Variants in AGAP1 observed in about 807,000 individuals in gnomAD.
AGAP1 encodes ArfGAP with GTPase domain, ankyrin repeat and PH domain 1.
In AGAP1, 29 loss-of-function variants were observed where a neutral mutation model predicts 105.3. The ratio of observed to expected loss-of-function variants is 0.28; its 90% CI spans 0.21 to 0.38. AGAP1 has a LOEUF of 0.38. Among genes scored for constraint, AGAP1 ranks in the 10% least tolerant of loss-of-function variants. AGAP1 has a pLI of 1.00. For missense variants in AGAP1, 998 were observed against 1,165.1 expected, an observed-to-expected ratio of 0.86 and a Z score of 2.09; for synonymous variants, 509 against 485.9, an observed-to-expected ratio of 1.05 and a Z score of -0.63.
chr2:236,089,469 A>ATC lies in AGAP1; in HGVS notation c.2115-30723_2115-30722insTC, dbSNP rs2059007449. Among the ~76,000 whole-genome samples, 2 of 152,234 alleles carry ATC rather than the reference A, an allele frequency of 1.3e-5. No homozygotes were observed. The highest frequency in any genetic ancestry group is 4.8e-5 in the African/African-American group (2 of 41,456). On this transcript the variant is annotated intron_variant, in intron 16 of 17. Coordinates refer to ENST00000304032, the MANE Select transcript of AGAP1 (RefSeq NM_001037131.3). This position sits in a 1 kb window ranked among gnomAD's most constrained non-coding sequence, Gnocchi z 5.6. ...CTAGGCTGCCGGGTACTGGCAGAAG[A>ATC]GAGTGAGCGTAGCAACTGGGAGGTG...
At chr2:236,028,669 A>G (rs145405413) in intron 13 of AGAP1, among the ~76,000 whole-genome samples, 1 of 152,296 alleles carries the variant, frequency 6.6e-6, no homozygotes, top group East Asian at 1.9e-4. Flanking sequence ...GAATGTCTTT[A>G]TCTTCCTTTC....
At chr2:235,773,258 A>G (rs1955597971) in intron 6 of AGAP1, among the ~76,000 whole-genome samples, 1 of 152,124 alleles carries the variant, frequency 6.6e-6, no homozygotes. Flanking sequence ...CATGGCCCCC[A>G]GTCAGTCTGA....
rs1043091238 is a variant in AGAP1, at chr2:235,689,609, A to T, written c.164-19570A>T. Among the ~76,000 whole-genome samples, 1 of 152,130 alleles carries T rather than the reference A, an allele frequency of 6.6e-6. No homozygotes were observed. Among genetic ancestry groups the T allele is most frequent in the African/African-American group, 2.4e-5 (1 of 41,388 alleles). ...CATTGTTTCAGGCAAATAATTTCTG[A>T]TGGACACCAAATTGGCAGGTCACCA... On this transcript the variant is annotated intron_variant, in intron 1 of 17. Coordinates refer to ENST00000304032, the MANE Select transcript of AGAP1 (RefSeq NM_001037131.3). This position sits in a 1 kb window ranked among gnomAD's most constrained non-coding sequence, Gnocchi z 4.2.
At position 235,959,471 on chromosome 2, in the gene AGAP1, TC is replaced by T. The variant is rs1484340057; in HGVS notation, c.1484-8988del. 6.6e-6 allele frequency among the ~76,000 whole-genome samples: 1 copy of T among 152,088 alleles called. No individual in the cohort carries two copies. Among genetic ancestry groups the T allele is most frequent in the Non-Finnish European group, 1.5e-5 (1 of 68,024 alleles). On this transcript the variant is annotated intron_variant, in intron 12 of 17. Coordinates refer to ENST00000304032, the MANE Select transcript of AGAP1 (RefSeq NM_001037131.3). This position sits in a 1 kb window ranked among gnomAD's most constrained non-coding sequence, Gnocchi z 7.3. Reference sequence around the variant, plus strand: ...ACCTAGAAGCCAGGGGCATTCATATTCCCGTGGCCGAGCTCAGCGCCCAGTG... The same window carrying T: ...ACCTAGAAGCCAGGGGCATTCATATTCCGTGGCCGAGCTCAGCGCCCAGTG...
At position 235,559,315 on chromosome 2, in the gene AGAP1, G is replaced by T. The variant is rs1374722161; in HGVS notation, c.163+64466G>T. Among the ~76,000 whole-genome samples, 1 of 152,130 alleles carries T rather than the reference G, an allele frequency of 6.6e-6. No homozygotes were observed. Among genetic ancestry groups the T allele is most frequent in the Non-Finnish European group, 1.5e-5 (1 of 68,030 alleles). ...TGGGTGTCCCAAGACTGTTTGGAAG[G>T]TTGTTCTGACAAGCAAGTGCTGATG... On this transcript the variant is annotated intron_variant, in intron 1 of 17. Transcript: ENST00000304032. The surrounding 1 kb of genome is among the most constrained non-coding windows in gnomAD (Gnocchi z 5.7).
At chr2:235,563,194 C>T (rs978244741) in intron 1 of AGAP1, among the ~76,000 whole-genome samples, 5 of 152,226 alleles carry the variant, frequency 3.3e-5, no homozygotes, top group African/African-American at 1.2e-4. Flanking sequence ...TCTCATGCCT[C>T]GCACCCTCCG....
intron 1 of AGAP1, among the ~76,000 whole-genome samples, chr2:235,682,433 C>T (rs971793863): frequency 6.6e-6 from 1 of 152,028 alleles, no homozygotes; most frequent in African/African-American, 2.4e-5. Flanking sequence ...GCCTCTGCCT[C>T]CCGGGTTCAA....
chr2:235,793,436 A>G lies in AGAP1; in HGVS notation c.674-4323A>G, dbSNP rs542226997. ...CTGAGGGTGCAGGGCAAAAGAACAC[A>G]TGATTCGTGCTGTGGAACCAGGACA... On this transcript the variant is annotated intron_variant, in intron 6 of 17. Coordinates refer to ENST00000304032, the MANE Select transcript of AGAP1 (RefSeq NM_001037131.3). This position sits in a 1 kb window ranked among gnomAD's most constrained non-coding sequence, Gnocchi z 5.3. Among the ~76,000 whole-genome samples the G allele has an allele frequency of 6.6e-6, 1 of 152,328 alleles. No individual in the cohort carries two copies. Among genetic ancestry groups the G allele is most frequent in the Admixed American group, 6.5e-5 (1 of 15,308 alleles).
rs983097879 is a variant in AGAP1, at chr2:235,578,611, C to T, written c.163+83762C>T. ...CAGCCTGGGCAACATGGTGAAACCT[C>T]GTCTCTACTAAAAATACAAAAAAAT... On this transcript the variant is annotated intron_variant, in intron 1 of 17. Coordinates refer to ENST00000304032, the MANE Select transcript of AGAP1 (RefSeq NM_001037131.3). The surrounding 1 kb of genome is among the most constrained non-coding windows in gnomAD (Gnocchi z 4.9). Among the ~76,000 whole-genome samples the T allele has an allele frequency of 2.0e-5, 3 of 151,712 alleles. No individual in the cohort carries two copies. The highest frequency in any genetic ancestry group is 7.3e-5 in the African/African-American group (3 of 41,270).
At chr2:236,093,944 A>T (rs1369870085) in intron 16 of AGAP1, among the ~76,000 whole-genome samples, 1 of 152,210 alleles carries the variant, frequency 6.6e-6, no homozygotes, top group Non-Finnish European at 1.5e-5. Context: ...TTTTTAGAGC[A>T]CTTTTCACAA....
Position 236,014,665 on chromosome 2 carries a change from C to T in AGAP1, c.1646-21896C>T. The T allele has an allele frequency of 2.9e-6, 1 of 344,572 alleles. No individual in the cohort carries two copies. Among genetic ancestry groups the T allele is most frequent in the South Asian group, 2.3e-5 (1 of 44,116 alleles). The allele number at this position is 344,572 out of a possible 1,614,324, so 21.3% of individuals were successfully genotyped here. A position where few individuals can be genotyped will look rare whatever the true frequency, so the allele number is the denominator to read the frequency against. ...GCTCAGCCCAGGGAGCTCCATGGCACCCACCCGCTTCGCGCAGACAGCTCG... is the reference window on the plus strand; with the variant it reads ...GCTCAGCCCAGGGAGCTCCATGGCATCCACCCGCTTCGCGCAGACAGCTCG... On this transcript the variant is annotated intron_variant, in intron 13 of 17. Coordinates refer to ENST00000304032, the MANE Select transcript of AGAP1 (RefSeq NM_001037131.3). This position sits in a 1 kb window ranked among gnomAD's most constrained non-coding sequence, Gnocchi z 6.3.
Position 235,517,440 on chromosome 2 carries a change from G to C in AGAP1, c.163+22591G>C, listed in dbSNP as rs548706993. ...ACTTAACCCAGAGCAGGGCTTTGAC[G>C]ACATAGCTGTGCCCAACGTAGATCT... On this transcript the variant is annotated intron_variant, in intron 1 of 17. Coordinates refer to ENST00000304032, the MANE Select transcript of AGAP1 (RefSeq NM_001037131.3). The surrounding 1 kb of genome is among the most constrained non-coding windows in gnomAD (Gnocchi z 4.1). Among the ~76,000 whole-genome samples the C allele has an allele frequency of 6.6e-6, 1 of 152,098 alleles. No individual in the cohort carries two copies. The highest frequency in any genetic ancestry group is 2.1e-4 in the South Asian group (1 of 4,812).
chr2:236,074,464 T>TC (rs1327239867), intron 16 of AGAP1, among the ~76,000 whole-genome samples: 1 of 152,204 alleles, frequency 6.6e-6, no homozygotes, highest in Non-Finnish European at 1.5e-5. Flanking sequence ...CACAGGCTGT[T>TC]CTTAATTTTT....
At position 235,689,540 on chromosome 2, in the gene AGAP1, A is replaced by G. The variant is rs1949637374; in HGVS notation, c.164-19639A>G. 6.6e-6 allele frequency among the ~76,000 whole-genome samples: 1 copy of G among 152,240 alleles called. No individual in the cohort carries two copies. The highest frequency in any genetic ancestry group is 6.5e-5 in the Admixed American group (1 of 15,288). On this transcript the variant is annotated intron_variant, in intron 1 of 17. Coordinates refer to ENST00000304032, the MANE Select transcript of AGAP1 (RefSeq NM_001037131.3). The surrounding 1 kb of genome is among the most constrained non-coding windows in gnomAD (Gnocchi z 4.2). ...GAAAGATGGTACTGTGTGGTGGGGA[A>G]TTCTGAAAGTCTTAAGTCTGTTTCT...
At chr2:235,616,842 G>A (rs1341918057) in intron 1 of AGAP1, among the ~76,000 whole-genome samples, 6 of 152,186 alleles carry the variant, frequency 3.9e-5, no homozygotes, top group African/African-American at 1.4e-4. Flanking sequence ...CTTAGGAAAC[G>A]TACTTTTTTG....
At chr2:235,697,015 T>C (rs1950031261) in intron 1 of AGAP1, among the ~76,000 whole-genome samples, 2 of 152,224 alleles carry the variant, frequency 1.3e-5, no homozygotes, top group South Asian at 4.2e-4. Context: ...TCCTAACTTT[T>C]GTTTCATTCG....
chr2:236,028,032 C>T (rs1174946911), intron 13 of AGAP1, among the ~76,000 whole-genome samples: 1 of 152,142 alleles, frequency 6.6e-6, no homozygotes, highest in Non-Finnish European at 1.5e-5. Flanking sequence ...ACGGGACTCC[C>T]CCTCAAGAAA....
chr2:235,806,166 G>A (rs1396525412), intron 8 of AGAP1, among the ~76,000 whole-genome samples: 3 of 152,098 alleles, frequency 2.0e-5, no homozygotes, highest in Admixed American at 6.5e-5. Context: ...TTTGAACCTG[G>A]ATTCCATTAG....
At chr2:235,911,542 C>G (rs2051615771) in intron 11 of AGAP1, among the ~76,000 whole-genome samples, 1 of 152,202 alleles carries the variant, frequency 6.6e-6, no homozygotes, top group Non-Finnish European at 1.5e-5. Flanking sequence ...TCCTTGGAGC[C>G]AAATGCCACT....
Sources: allele counts gnomAD v4.1 joint callset (sites outside exome capture counted in the v4.1 genomes callset), GRCh38; gene constraint gnomAD v4.1.1; non-coding constraint Gnocchi (gnomAD v3.1); transcripts MANE v1.5; gene names NCBI Gene and HGNC (gene_info 2026-07-23, HGNC 2026-07-21).